Variants in HTR4 observed in about 807,000 individuals in gnomAD.
HTR4 encodes the protein 5-hydroxytryptamine receptor 4.
In HTR4, 16 loss-of-function variants were observed where a neutral mutation model predicts 36.8. That is an observed-to-expected ratio of 0.43 (90% CI 0.29 to 0.66). The LOEUF (loss-of-function observed/expected upper bound fraction) is 0.66. Ranked by LOEUF, HTR4 falls within the 30% of genes least tolerant of loss-of-function variation. The probability of loss-of-function intolerance (pLI) is 0.13; values close to 1 mark genes in which losing one functional copy is unlikely to be tolerated. For synonymous variants in HTR4, 189 were observed against 185.1 expected, an observed-to-expected ratio of 1.02 and a Z score of -0.17; for missense variants, 438 against 490.9, an observed-to-expected ratio of 0.89 and a Z score of 1.02.
intron 4 of HTR4, among the ~76,000 whole-genome samples, chr5:148,531,311 G>A (rs145748250): frequency 3.9e-4 from 60 of 152,252 alleles, no homozygotes; most frequent in African/African-American, 1.2e-3. Context: ...CCGGTTGGAG[G>A]TGGTTTAATC....
intron 1 of HTR4, chr5:148,644,837 A>G (rs1187765834): frequency 6.6e-6 from 1 of 152,128 alleles, no homozygotes; most frequent in Non-Finnish European, 1.5e-5. Context: ...CCCTCCAAAA[A>G]TGTTTCAGGT....
At chr5:148,644,276 A>T (rs1049487308) in intron 1 of HTR4, among the ~76,000 whole-genome samples, 5 of 152,100 alleles carry the variant, frequency 3.3e-5, no homozygotes, top group Non-Finnish European at 7.4e-5. Context: ...TATGTTAAAA[A>T]ATGTGCTCCC....
At chr5:148,458,567 G>A (rs1561559227) in intron 5 of HTR4, among the ~76,000 whole-genome samples, 1 of 152,138 alleles carries the variant, frequency 6.6e-6, no homozygotes, top group African/African-American at 2.4e-5. Context: ...CTCGGTTAGT[G>A]TGTCAGGGTT....
At chr5:148,456,272 G>T (rs546892738) in intron 5 of HTR4, among the ~76,000 whole-genome samples, 15 of 152,316 alleles carry the variant, frequency 9.8e-5, no homozygotes, top group Middle Eastern at 3.4e-3. Context: ...AATAGGAGCA[G>T]ATCTGGGGTC....
chr5:148,523,344 T>TTG lies in HTR4; in HGVS notation c.355_356insCA (p.Tyr119SerfsTer16). The TTG allele has an allele frequency of 1.9e-6, 3 of 1,606,450 alleles. No homozygotes were observed. The highest frequency in any genetic ancestry group is 2.5e-6 in the Non-Finnish European group (3 of 1,177,282). ...CAAAGGCTGGCAGCAGATGGCGTAA[T>TTG]ACCTGGAGAGAGAATAGAGGGCAGA... On this transcript the variant is annotated frameshift_variant and splice_region_variant, in exon 5 of 7. Coordinates refer to ENST00000377888, the MANE Select transcript of HTR4 (RefSeq NM_000870.7). LOFTEE classifies it high-confidence loss of function.
intron 2 of HTR4, among the ~76,000 whole-genome samples, chr5:148,635,958 C>T (rs1382769355): frequency 6.6e-6 from 1 of 152,122 alleles, no homozygotes; most frequent in Non-Finnish European, 1.5e-5. Context: ...CTTTGTATAT[C>T]TATATGTATT....
At chr5:148,579,762 C>T (rs546034528) in intron 2 of HTR4, among the ~76,000 whole-genome samples, 2 of 152,132 alleles carry the variant, frequency 1.3e-5, no homozygotes, top group African/African-American at 4.8e-5. Context: ...CCAGCAGCAG[C>T]CCACATTCCT....
intron 2 of HTR4, among the ~76,000 whole-genome samples, chr5:148,593,725 C>A (rs1716756889): frequency 6.6e-6 from 1 of 152,080 alleles, no homozygotes; most frequent in Non-Finnish European, 1.5e-5. Context: ...TATTACTGCA[C>A]CTCCATCACT....
intron 2 of HTR4, among the ~76,000 whole-genome samples, chr5:148,578,982 C>G (rs184589844): frequency 1.3e-5 from 2 of 152,194 alleles, no homozygotes. Context: ...AGTCATCCTT[C>G]AGAAACTCTA....
chr5:148,478,840 TAA>T (rs746873848), downstream of HTR4, among the ~76,000 whole-genome samples: 2 of 152,114 alleles, frequency 1.3e-5, no homozygotes, highest in Admixed American at 6.5e-5. Context: ...ACAAAAGAGC[TAA>T]GTCTATTTTA....
At chr5:148,486,767 CAGGG>C (rs1361212180) in intron 6 of HTR4, among the ~76,000 whole-genome samples, 5 of 152,122 alleles carry the variant, frequency 3.3e-5, no homozygotes, top group Non-Finnish European at 7.4e-5. Context: ...GCTGGAAACA[CAGGG>C]AGGGTAATTT....
At chr5:148,606,890 G>A (rs1216936044) in intron 2 of HTR4, among the ~76,000 whole-genome samples, 1 of 152,118 alleles carries the variant, frequency 6.6e-6, no homozygotes, top group Non-Finnish European at 1.5e-5. Context: ...AAAAGATTTG[G>A]ATTCTTTACC....
chr5:148,536,659 T>C (rs1758838378), intron 4 of HTR4, among the ~76,000 whole-genome samples: 1 of 152,138 alleles, frequency 6.6e-6, no homozygotes, highest in African/African-American at 2.4e-5. Context: ...CATTACATAA[T>C]TGCAAAGAGT....
chr5:148,649,831 T>C (rs994312412), intron 1 of HTR4, among the ~76,000 whole-genome samples: 9 of 152,212 alleles, frequency 5.9e-5, no homozygotes, highest in African/African-American at 2.2e-4. Flanking sequence ...AAATCAGATA[T>C]ATTTTCATTC....
intron 2 of HTR4, among the ~76,000 whole-genome samples, chr5:148,561,040 C>G (rs1310490673): frequency 6.6e-6 from 1 of 152,008 alleles, no homozygotes; most frequent in Non-Finnish European, 1.5e-5. Context: ...TTATGTAATT[C>G]TAAAATAATT....
At chr5:148,521,080 C>A in intron 5 of HTR4, 6 of 1,269,442 alleles carry the variant, frequency 4.7e-6, no homozygotes, top group South Asian at 3.7e-5. Flanking sequence ...CCACTTCCCA[C>A]ATCTCGATGT....
At chr5:148,512,187 ACT>A (rs1275986330) in intron 5 of HTR4, among the ~76,000 whole-genome samples, 1 of 151,908 alleles carries the variant, frequency 6.6e-6, no homozygotes. Flanking sequence ...GTCACCTCAA[ACT>A]CTCAGTGTGC....
chr5:148,612,875 A>G (rs1324799574), intron 2 of HTR4, among the ~76,000 whole-genome samples: 1 of 148,314 alleles, frequency 6.7e-6, no homozygotes, highest in South Asian at 2.2e-4. Context: ...AGAAATACAA[A>G]CTACCATCAG....
At chr5:148,476,701 A>G, downstream of HTR4, 1 of 1,610,886 alleles carries the variant, frequency 6.2e-7, no homozygotes, top group South Asian at 1.1e-5. Flanking sequence ...TAAGAAAAAA[A>G]AATGAGCAAT....
Sources: allele counts gnomAD v4.1 joint callset (sites outside exome capture counted in the v4.1 genomes callset), GRCh38; gene constraint gnomAD v4.1.1; transcripts MANE v1.5; gene names NCBI Gene and HGNC (gene_info 2026-07-23, HGNC 2026-07-21).